The following SPATA16 variants were observed in gnomAD, a reference collection of about 807,000 sequenced individuals.
SPATA16 encodes spermatogenesis associated 16, also known as spermatogenesis-associated protein 16.
SPATA16 carries 36 observed loss-of-function variants against 63.3 expected under a neutral mutation model. That is an observed-to-expected ratio of 0.57 (90% CI 0.44 to 0.75). The LOEUF (loss-of-function observed/expected upper bound fraction) is 0.75. Ranked by LOEUF, SPATA16 falls within the 30% of genes least tolerant of loss-of-function variation. The pLI is 0.00. For synonymous variants in SPATA16, 203 were observed against 216.7 expected (o/e 0.94, Z 0.56); for missense variants, 646 against 679.3 (o/e 0.95, Z 0.54).
At position 172,953,273 on chromosome 3, in the gene SPATA16, C is replaced by T. The variant is rs549734781; in HGVS notation, c.1081+3404G>A. ...GAATAGATGAACAACCCCCCTCCCACCTCAATCTCCATTGTAGATCCTCTT... is the reference window on the plus strand; with the variant it reads ...GAATAGATGAACAACCCCCCTCCCATCTCAATCTCCATTGTAGATCCTCTT... On this transcript the variant is annotated intron_variant, in intron 6 of 10. Transcript: ENST00000351008. 9.2e-5 allele frequency among the ~76,000 whole-genome samples: 14 copies of T among 152,278 alleles called. No individual in the cohort carries two copies. The East Asian group carries it at 2.7e-3, about 29-fold the overall frequency.
chr3:172,896,676 T>C (rs1418504744), intron 10 of SPATA16, among the ~76,000 whole-genome samples: 2 of 152,208 alleles, frequency 1.3e-5, no homozygotes, highest in African/African-American at 2.4e-5. Flanking sequence ...TCATTGTGGT[T>C]TTAATTTGCA....
chr3:172,905,343 A>G (rs1732211279), intron 10 of SPATA16, among the ~76,000 whole-genome samples: 1 of 152,206 alleles, frequency 6.6e-6, no homozygotes, highest in African/African-American at 2.4e-5. Flanking sequence ...CAGTACCCTC[A>G]GAAGTACTAA....
Position 173,041,229 on chromosome 3 carries a change from G to A in SPATA16, c.758+7720C>T, listed in dbSNP as rs1392877119. On this transcript the variant is annotated intron_variant, in intron 3 of 10. Coordinates refer to ENST00000351008, the MANE Select transcript of SPATA16 (RefSeq NM_031955.6). ...GGTATCTTTAAAATAGCAATGCCAG[G>A]ATTTCCTTTTATTTTCTTCACACTG... 2.0e-5 allele frequency among the ~76,000 whole-genome samples: 3 copies of A among 152,066 alleles called. No homozygotes were observed. In the South Asian group the frequency reaches 6.2e-4, roughly 32 times the overall value.
chr3:172,960,402 A>G (rs1424376582), intron 5 of SPATA16, among the ~76,000 whole-genome samples: 2 of 152,246 alleles, frequency 1.3e-5, no homozygotes, highest in Non-Finnish European at 2.9e-5. Flanking sequence ...CTCAAAAATA[A>G]GCTTTGAAAT....
intron 2 of SPATA16, among the ~76,000 whole-genome samples, chr3:173,083,839 A>G (rs1315584091): frequency 2.0e-5 from 3 of 152,170 alleles, no homozygotes; most frequent in Non-Finnish European, 4.4e-5. Context: ...TTACGACTGC[A>G]TAGTATTCCA....
At chr3:173,013,310 T>G (rs1735112176) in intron 4 of SPATA16, among the ~76,000 whole-genome samples, 1 of 152,140 alleles carries the variant, frequency 6.6e-6, no homozygotes. Flanking sequence ...GCTTATCCAC[T>G]CTTGGTGGGA....
intron 6 of SPATA16, 65 bp from the exon 7 acceptor site, chr3:172,925,557 C>T: frequency 3.1e-6 from 5 of 1,602,208 alleles, no homozygotes; most frequent in South Asian, 2.2e-5. Flanking sequence ...AGGGTTTTCC[C>T]CCCCAGATTT....
chr3:172,971,625 T>C (rs932161276), intron 5 of SPATA16, among the ~76,000 whole-genome samples: 2 of 152,178 alleles, frequency 1.3e-5, no homozygotes, highest in African/African-American at 4.8e-5. Flanking sequence ...CACAGTGCCT[T>C]ACATACAGTC....
intron 4 of SPATA16, among the ~76,000 whole-genome samples, chr3:172,984,917 T>G (rs1279065999): frequency 6.6e-6 from 1 of 152,226 alleles, no homozygotes. Flanking sequence ...TCTCATTTAA[T>G]TCCTAAAATC....
At chr3:173,091,610 G>A (rs1737222600) in intron 2 of SPATA16, among the ~76,000 whole-genome samples, 1 of 152,052 alleles carries the variant, frequency 6.6e-6, no homozygotes, top group South Asian at 2.1e-4. Context: ...TGATAAGACA[G>A]TAATAAGGAA....
At chr3:172,943,696 C>A (rs567646099) in intron 6 of SPATA16, among the ~76,000 whole-genome samples, 3 of 152,082 alleles carry the variant, frequency 2.0e-5, no homozygotes, top group African/African-American at 4.8e-5. Flanking sequence ...GCCAAGATTG[C>A]GCCATTGCAC....
At chr3:173,069,935 A>G (rs1419291603) in intron 2 of SPATA16, among the ~76,000 whole-genome samples, 1 of 147,506 alleles carries the variant, frequency 6.8e-6, no homozygotes, top group African/African-American at 2.6e-5. Context: ...AAAATTCAAC[A>G]TTCCCTTCAT....
chr3:172,933,012 C>T (rs939872927), intron 6 of SPATA16, among the ~76,000 whole-genome samples: 6 of 152,132 alleles, frequency 3.9e-5, no homozygotes, highest in African/African-American at 1.4e-4. Flanking sequence ...GCTCATTTCT[C>T]TTTCATTTGA....
intron 6 of SPATA16, among the ~76,000 whole-genome samples, chr3:172,955,529 G>A (rs12636824): frequency 1.7e-4 from 26 of 152,114 alleles, no homozygotes; most frequent in East Asian, 1.4e-3. Flanking sequence ...ATTATGGCCC[G>A]TATTATGCTT....
chr3:173,048,892 A>G, intron 3 of SPATA16, 57 bp downstream of exon 3: 1 of 1,598,792 alleles, frequency 6.3e-7, no homozygotes, highest in Non-Finnish European at 8.6e-7. Context: ...AAGCTCAGAT[A>G]GTACCCTCCA....
At chr3:172,903,601 A>G (rs1732169239) in intron 10 of SPATA16, among the ~76,000 whole-genome samples, 1 of 152,234 alleles carries the variant, frequency 6.6e-6, no homozygotes, top group South Asian at 2.1e-4. Flanking sequence ...ATTATTCACT[A>G]GAGAGTGACC....
chr3:173,028,333 T>G (rs953247315), intron 3 of SPATA16, among the ~76,000 whole-genome samples: 1 of 151,854 alleles, frequency 6.6e-6, no homozygotes, highest in Non-Finnish European at 1.5e-5. Flanking sequence ...TTATGCTGGA[T>G]AATAGCATCA....
chr3:173,103,061 G>A (rs377286960), intron 2 of SPATA16, among the ~76,000 whole-genome samples: 65 of 152,316 alleles, frequency 4.3e-4, no homozygotes, highest in African/African-American at 9.4e-4. Context: ...AATAATCTCC[G>A]TTGCCTCCAT....
At chr3:173,082,754 G>A (rs576450600) in intron 2 of SPATA16, among the ~76,000 whole-genome samples, 12 of 152,306 alleles carry the variant, frequency 7.9e-5, no homozygotes, top group South Asian at 2.1e-4. Context: ...ACACAGCTCA[G>A]GGCAGGCCTG....
Sources: gnomAD v4.1 joint callset for allele counts (sites outside exome capture counted in the v4.1 genomes callset) on GRCh38, gnomAD v4.1.1 for gene constraint, MANE v1.5 for transcripts, NCBI Gene and HGNC (gene_info 2026-07-23, HGNC 2026-07-21) for gene names.